The following CADM1 variants were observed in gnomAD, a reference collection of about 807,000 sequenced individuals.
CADM1 encodes TSLC-1.
A neutral mutation model predicts 53.1 loss-of-function variants in CADM1; 15 were observed. The ratio of observed to expected loss-of-function variants is 0.28; its 90% confidence interval spans 0.19 to 0.44. CADM1 has a LOEUF of 0.44. Among genes scored for constraint, CADM1 ranks in the 20% least tolerant of loss-of-function variants. The probability of loss-of-function intolerance (pLI) is 1.00; values close to 1 mark genes in which losing one functional copy is unlikely to be tolerated. For missense variants in CADM1, 434 were observed against 611.3 expected (o/e 0.71, Z 3.06); for synonymous variants, 281 against 243.0 (o/e 1.16, Z -1.45).
Position 115,410,491 on chromosome 11 carries a change from G to C in CADM1, c.124+93780C>G, listed in dbSNP as rs149304360. On this transcript the variant is annotated intron_variant, in intron 1 of 11. Transcript: ENST00000331581. ...TAAACAAAGTCTAGAGGCAGAATGGGAGGGTGGGGGGAAGAGCAACAGAAT... is the reference window on the plus strand; with the variant it reads ...TAAACAAAGTCTAGAGGCAGAATGGCAGGGTGGGGGGAAGAGCAACAGAAT... 3.3e-5 allele frequency among the ~76,000 whole-genome samples: 5 copies of C among 152,250 alleles called. No homozygotes were observed. In the East Asian group the frequency reaches 9.7e-4, roughly 29 times the overall value.
intron 1 of CADM1, among the ~76,000 whole-genome samples, chr11:115,415,499 T>C (rs1044408913): frequency 6.6e-6 from 1 of 152,050 alleles, no homozygotes; most frequent in African/African-American, 2.4e-5. Context: ...ATAAGGAATA[T>C]GACAGAACAG....
At chr11:115,434,776 A>G (rs1948141254) in intron 1 of CADM1, among the ~76,000 whole-genome samples, 1 of 151,840 alleles carries the variant, frequency 6.6e-6, no homozygotes, top group Non-Finnish European at 1.5e-5. Context: ...GGAATGAACT[A>G]TACTCTCTGT....
At chr11:115,487,750 C>T (rs116003345) in intron 1 of CADM1, among the ~76,000 whole-genome samples, 99 of 152,268 alleles carry the variant, frequency 6.5e-4, no homozygotes, top group African/African-American at 2.3e-3. Flanking sequence ...TGCCGACAGG[C>T]CTACATGTAA....
At chr11:115,247,214 T>C (rs554799799) in intron 1 of CADM1, among the ~76,000 whole-genome samples, 1 of 152,334 alleles carries the variant, frequency 6.6e-6, no homozygotes, top group East Asian at 1.9e-4. Context: ...TTATGATCTA[T>C]ATGGCAAATA....
intron 1 of CADM1, among the ~76,000 whole-genome samples, chr11:115,360,665 C>G (rs1272276757): frequency 6.6e-6 from 1 of 152,208 alleles, no homozygotes; most frequent in Admixed American, 6.5e-5. Context: ...AGAAAGGAAA[C>G]TGTACTTGTG....
rs11215508 is a variant in CADM1, at chr11:115,347,513, C to A, written c.125-107093G>T. ...GTGAACTATTACTTAGATAATAGAA[C>A]ATTTATTTTATGTCATTATAAAATT... On this transcript the variant is annotated intron_variant, in intron 1 of 11. Transcript: ENST00000331581. Among the ~76,000 whole-genome samples the A allele has an allele frequency of 5.1e-3, 778 of 152,216 alleles. 8 individuals are homozygous for A. The highest frequency in any genetic ancestry group is 0.018 in the African/African-American group (748 of 41,540).
intron 1 of CADM1, among the ~76,000 whole-genome samples, chr11:115,281,303 T>A (rs1330862699): frequency 1.3e-5 from 2 of 152,132 alleles, no homozygotes; most frequent in Admixed American, 6.5e-5. Flanking sequence ...GAACTCCCAA[T>A]AAAAATAATA....
chr11:115,196,091 A>G (rs1184041036), intron 9 of CADM1, among the ~76,000 whole-genome samples: 2 of 152,274 alleles, frequency 1.3e-5, no homozygotes, highest in East Asian at 3.9e-4. Context: ...CACCAACTTG[A>G]ACATCGTCTC....
At chr11:115,187,137 T>G (rs866056636) in intron 10 of CADM1, among the ~76,000 whole-genome samples, 89 of 152,374 alleles carry the variant, frequency 5.8e-4, no homozygotes, top group African/African-American at 2.1e-3. Flanking sequence ...CTTAAATATA[T>G]CTATACAGCT....
intron 1 of CADM1, among the ~76,000 whole-genome samples, chr11:115,395,744 T>C (rs1946978890): frequency 6.6e-6 from 1 of 152,174 alleles, no homozygotes; most frequent in Non-Finnish European, 1.5e-5. Flanking sequence ...AGTTCAAACA[T>C]GGAAGAAGAG....
intron 1 of CADM1, among the ~76,000 whole-genome samples, chr11:115,340,658 A>ATATATATATATAT (rs60532835): frequency 1.4e-4 from 5 of 34,936 alleles, no homozygotes; most frequent in Non-Finnish European, 2.3e-4. Flanking sequence ...ATATATATAT[A>ATATATATATATAT]TTTTTTTTTT....
intron 1 of CADM1, among the ~76,000 whole-genome samples, chr11:115,349,367 T>C (rs1159234985): frequency 1.3e-5 from 2 of 152,228 alleles, no homozygotes; most frequent in African/African-American, 4.8e-5. Context: ...AGTATTTCTA[T>C]GCATAAAATA....
chr11:115,459,245 T>C (rs1169352050), intron 1 of CADM1, among the ~76,000 whole-genome samples: 1 of 152,168 alleles, frequency 6.6e-6, no homozygotes, highest in Non-Finnish European at 1.5e-5. Flanking sequence ...TCTGATTAGA[T>C]CTTACTGCAG....
intron 1 of CADM1, among the ~76,000 whole-genome samples, chr11:115,462,950 C>T (rs1016156010): frequency 6.6e-6 from 1 of 152,080 alleles, no homozygotes; most frequent in Non-Finnish European, 1.5e-5. Flanking sequence ...AGTAGGTGCC[C>T]ACTAGGGAAG....
At chr11:115,463,984 A>C (rs774560688) in intron 1 of CADM1, among the ~76,000 whole-genome samples, 3 of 152,092 alleles carry the variant, frequency 2.0e-5, no homozygotes, top group Non-Finnish European at 2.9e-5. Context: ...GAAATGCTAT[A>C]TTATCCCATA....
chr11:115,426,243 T>C (rs1474176519), intron 1 of CADM1, among the ~76,000 whole-genome samples: 1 of 152,178 alleles, frequency 6.6e-6, no homozygotes, highest in African/African-American at 2.4e-5. Context: ...CTCTTGCCAG[T>C]GGGTTAAAAT....
At chr11:115,193,156 G>T (rs1269402366) in intron 9 of CADM1, among the ~76,000 whole-genome samples, 1 of 152,010 alleles carries the variant, frequency 6.6e-6, no homozygotes, top group African/African-American at 2.4e-5. Context: ...TTTTCTCAAA[G>T]AAAAAGACAA....
intron 1 of CADM1, among the ~76,000 whole-genome samples, chr11:115,307,190 G>C (rs549676334): frequency 2.6e-5 from 4 of 152,104 alleles, no homozygotes; most frequent in Admixed American, 2.6e-4. Flanking sequence ...TGCAGAGATA[G>C]TTGTTATAGA....
At chr11:115,473,351 C>T (rs1026009943) in intron 1 of CADM1, among the ~76,000 whole-genome samples, 1 of 151,998 alleles carries the variant, frequency 6.6e-6, no homozygotes, top group Non-Finnish European at 1.5e-5. Context: ...CCCAGCTACT[C>T]GGGAGGCAAA....
Sources: gnomAD v4.1 joint callset for allele counts (sites outside exome capture counted in the v4.1 genomes callset) on GRCh38, gnomAD v4.1.1 for gene constraint, MANE v1.5 for transcripts, NCBI Gene and HGNC (gene_info 2026-07-23, HGNC 2026-07-21) for gene names.